Variants in ARHGAP25 observed in about 807,000 individuals in gnomAD.
ARHGAP25 encodes Rho GTPase activating protein 25, also known as rho GTPase-activating protein 25.
ARHGAP25 carries 34 observed loss-of-function variants against 71.0 expected under a neutral mutation model. That is an observed-to-expected ratio of 0.48 (90% CI 0.36 to 0.64). The LOEUF (loss-of-function observed/expected upper bound fraction) is 0.64, where lower values mean the gene tolerates loss of function less well. ARHGAP25 is among the 30% of genes least tolerant of loss of function. The pLI, the probability that ARHGAP25 is intolerant of heterozygous loss-of-function variation, is 0.00. For synonymous variants in ARHGAP25, 282 were observed against 296.5 expected (o/e 0.95, Z 0.50); for missense variants, 706 against 805.1 (o/e 0.88, Z 1.49).
chr2:68,804,300 A>G (rs537615083), intron 4 of ARHGAP25, among the ~76,000 whole-genome samples: 2 of 152,292 alleles, frequency 1.3e-5, no homozygotes, highest in South Asian at 2.1e-4. Flanking sequence ...ATCTTTCCCC[A>G]TCAAGTCCAG....
At chr2:68,817,846 A>T in intron 7 of ARHGAP25, 27 bp from the exon 8 acceptor site, 2 of 1,612,450 alleles carry the variant, frequency 1.2e-6, no homozygotes. Flanking sequence ...CCTGCTTTCT[A>T]CCATGGGATT....
chr2:68,784,594 C>G lies in ARHGAP25; in HGVS notation c.349+2274C>G, dbSNP rs531729991. 3.9e-5 allele frequency among the ~76,000 whole-genome samples: 6 copies of G among 152,268 alleles called. No homozygotes were observed. The East Asian group carries it at 9.6e-4, about 24-fold the overall frequency. On this transcript the variant is annotated intron_variant, in intron 3 of 10. Transcript: ENST00000409202. ...AACTATCTATTCTTCTATTCTCCTCCTACCCCAGGGAATCACCAGGAAGGG... is the reference window on the plus strand; with the variant it reads ...AACTATCTATTCTTCTATTCTCCTCGTACCCCAGGGAATCACCAGGAAGGG...
At chr2:68,763,884 G>A (rs1420591948) in intron 1 of ARHGAP25, among the ~76,000 whole-genome samples, 1 of 152,030 alleles carries the variant, frequency 6.6e-6, no homozygotes, top group Non-Finnish European at 1.5e-5. Flanking sequence ...ACTTTACTGA[G>A]GTATAATTTA....
intron 1 of ARHGAP25, among the ~76,000 whole-genome samples, chr2:68,737,138 T>C (rs2104281120): frequency 6.6e-6 from 1 of 152,322 alleles, no homozygotes; most frequent in Middle Eastern, 3.4e-3. Context: ...CCTGAAGGAC[T>C]GGACTACAGT....
chr2:68,777,799 T>C (rs1266181421), intron 2 of ARHGAP25, among the ~76,000 whole-genome samples: 1 of 152,226 alleles, frequency 6.6e-6, no homozygotes, highest in Non-Finnish European at 1.5e-5. Flanking sequence ...TACCACATGT[T>C]GATATGTATC....
At chr2:68,731,123 C>T (rs1675011823), upstream of ARHGAP25, among the ~76,000 whole-genome samples, 1 of 152,186 alleles carries the variant, frequency 6.6e-6, no homozygotes, top group African/African-American at 2.4e-5. Flanking sequence ...ATGAATGAGT[C>T]TGTTTGAGCT....
intron 2 of ARHGAP25, among the ~76,000 whole-genome samples, chr2:68,716,556 T>G (rs1674612935): frequency 6.6e-6 from 1 of 152,188 alleles, no homozygotes; most frequent in African/African-American, 2.4e-5. Flanking sequence ...GAAGCTTGGG[T>G]GGACATCTTT....
chr2:68,727,737 T>G (rs1674919039), intron 2 of ARHGAP25, among the ~76,000 whole-genome samples: 1 of 152,262 alleles, frequency 6.6e-6, no homozygotes, highest in African/African-American at 2.4e-5. Context: ...GATTGCTCCA[T>G]TCCCCTGCCC....
rs768043760 is a variant in ARHGAP25 at position 68,735,274 on chromosome 2, C to G, written c.61+14C>G. On this transcript the variant is annotated intron_variant, in intron 1 of 10. Transcript: ENST00000409202. ...CTGCGAAAATAGGTATGGTTGGTGT[C>G]TTTTCGTTGCCTCTGTGATTCTTAC... The G allele has an allele frequency of 3.1e-6, 5 of 1,612,904 alleles. No individual in the cohort carries two copies. Among genetic ancestry groups the G allele is most frequent in the Non-Finnish European group, 8.5e-7 (1 of 1,179,000 alleles).
intron 3 of ARHGAP25, among the ~76,000 whole-genome samples, chr2:68,783,098 A>G (rs938963151): frequency 6.6e-6 from 1 of 152,204 alleles, no homozygotes; most frequent in Non-Finnish European, 1.5e-5. Flanking sequence ...GACTGTGTGC[A>G]TAAGAAAGTT....
chr2:68,745,037 C>G (rs1307051383), intron 1 of ARHGAP25, among the ~76,000 whole-genome samples: 1 of 152,170 alleles, frequency 6.6e-6, no homozygotes, highest in African/African-American at 2.4e-5. Context: ...GAAGACATAC[C>G]TGAATGTAGT....
At chr2:68,823,417 G>A (rs559771698) in intron 10 of ARHGAP25, among the ~76,000 whole-genome samples, 3 of 152,326 alleles carry the variant, frequency 2.0e-5, no homozygotes, top group African/African-American at 7.2e-5. Context: ...TTCAAGGAAT[G>A]GGTTCCAATG....
intron 3 of ARHGAP25, among the ~76,000 whole-genome samples, chr2:68,785,376 C>T (rs965718837): frequency 1.3e-5 from 2 of 152,110 alleles, no homozygotes; most frequent in African/African-American, 4.8e-5. Context: ...GATGAAGGGG[C>T]TGTGAAGTAA....
intron 1 of ARHGAP25, among the ~76,000 whole-genome samples, chr2:68,765,897 C>G (rs1677094363): frequency 6.6e-6 from 1 of 152,190 alleles, no homozygotes. Flanking sequence ...GCCCCAGAAA[C>G]TGACTGGAGT....
intron 1 of ARHGAP25, among the ~76,000 whole-genome samples, chr2:68,770,870 T>C (rs900706653): frequency 6.6e-6 from 1 of 152,190 alleles, no homozygotes; most frequent in Non-Finnish European, 1.5e-5. Flanking sequence ...TTTCTCTATT[T>C]GATAAAATGC....
intron 6 of ARHGAP25, chr2:68,816,077 A>G (rs1681203968): frequency 2.7e-5 from 17 of 626,096 alleles, no homozygotes; most frequent in Middle Eastern, 2.5e-4. Context: ...AAAAGTATAC[A>G]TAACAAAAAC....
At chr2:68,752,728 C>T (rs1000989676) in intron 1 of ARHGAP25, among the ~76,000 whole-genome samples, 5 of 92,316 alleles carry the variant, frequency 5.4e-5, no homozygotes, top group African/African-American at 2.3e-4. Context: ...CTGTTGAGAA[C>T]TCAAAACCTG....
In ARHGAP25 at chr2:68,826,365, G is replaced by A. The variant is rs3749132; in HGVS notation, c.*171G>A. 0.051 allele frequency: 37,045 copies of A among 723,226 alleles called. 1,078 individuals carry two copies. The highest frequency in any genetic ancestry group is 0.058 in the Non-Finnish European group (23,344 of 405,288). The allele number at this position is 723,226 out of a possible 1,614,324, so 44.8% of individuals were successfully genotyped here. A position where few individuals can be genotyped will look rare whatever the true frequency, so the allele number is the denominator to read the frequency against. On this transcript the variant is annotated 3_prime_UTR_variant, in exon 11 of 11. Coordinates refer to ENST00000409202, the MANE Select transcript of ARHGAP25 (RefSeq NM_001007231.3). The stretch of plus-strand genomic sequence containing the variant: ...GAATGGAGTTTGCAGGAAGGTGAGG[G>A]TGAGCAGAGATGTGTGTGGACATCT...
intron 4 of ARHGAP25, among the ~76,000 whole-genome samples, chr2:68,806,181 G>T (rs1680349137): frequency 6.6e-6 from 1 of 152,142 alleles, no homozygotes; most frequent in African/African-American, 2.4e-5. Flanking sequence ...TTCTACACTT[G>T]GGAATTTGTC....
Sources: gnomAD v4.1 joint callset for allele counts (sites outside exome capture counted in the v4.1 genomes callset) on GRCh38, gnomAD v4.1.1 for gene constraint, MANE v1.5 for transcripts, NCBI Gene and HGNC (gene_info 2026-07-23, HGNC 2026-07-21) for gene names.